The following FBP2 variants were observed in gnomAD, a reference collection of about 807,000 sequenced individuals.
FBP2 encodes fructose-bisphosphatase 2.
Under a neutral mutation model 31.6 loss-of-function variants are expected in FBP2, and 27 were observed. The ratio of observed to expected loss-of-function variants is 0.85; its 90% CI spans 0.63 to 1.18. FBP2 has a LOEUF of 1.18. Ranked by LOEUF, FBP2 falls within the 50% of genes most tolerant of loss-of-function variation. FBP2 has a pLI of 0.00. For missense variants in FBP2, 421 were observed against 436.1 expected (o/e 0.97, Z 0.31); for synonymous variants, 168 against 179.8 (o/e 0.93, Z 0.53).
At chr9:94,583,545 C>A (rs567327873) in intron 3 of FBP2, among the ~76,000 whole-genome samples, 1 of 152,306 alleles carries the variant, frequency 6.6e-6, no homozygotes, top group African/African-American at 2.4e-5. Flanking sequence ...CTTCCTAATA[C>A]ATAGAAGACT....
At chr9:94,584,522 AC>A in intron 3 of FBP2, 54 bp downstream of exon 3, 1 of 1,150,396 alleles carries the variant, frequency 8.7e-7, no homozygotes, top group Non-Finnish European at 1.3e-6. Flanking sequence ...CAGCCCAGGA[AC>A]CTTCCAGAGA....
chr9:94,580,565 C>A (rs905761004), intron 3 of FBP2, among the ~76,000 whole-genome samples: 6 of 152,206 alleles, frequency 3.9e-5, no homozygotes, highest in Admixed American at 3.9e-4. Flanking sequence ...AAATGAGCAA[C>A]TATTGTTTAA....
At chr9:94,590,708 AG>A (rs1366250903) in intron 1 of FBP2, among the ~76,000 whole-genome samples, 1 of 152,224 alleles carries the variant, frequency 6.6e-6, no homozygotes, top group Non-Finnish European at 1.5e-5. Flanking sequence ...AAGCCTCCAC[AG>A]TGTGGAAAGA....
At position 94,561,979 on chromosome 9, in the gene FBP2, C is replaced by T. The variant is rs573218315; in HGVS notation, c.825+1363G>A. Among the ~76,000 whole-genome samples, 4 of 152,170 alleles carry T rather than the reference C, an allele frequency of 2.6e-5. No individual in the cohort carries two copies. The South Asian group carries it at 8.3e-4, about 32-fold the overall frequency. ...GTAATAACTGATCTTTATGTTCTCC[C>T]CAATGTAACTGAGTAAGTGACCAGA... On this transcript the variant is annotated intron_variant, in intron 6 of 6. Transcript: ENST00000375337.
chr9:94,569,712 C>G (rs922718143), intron 4 of FBP2: 1 of 152,242 alleles, frequency 6.6e-6, no homozygotes, highest in Non-Finnish European at 1.5e-5. Context: ...CAAGAAACAA[C>G]AGCTCCCATT....
intron 1 of FBP2, among the ~76,000 whole-genome samples, chr9:94,587,894 G>A (rs1272349414): frequency 6.6e-6 from 1 of 152,056 alleles, no homozygotes; most frequent in Admixed American, 6.5e-5. Context: ...TGTCGCCCAG[G>A]CTGGAGTGCA....
At position 94,587,375 on chromosome 9, in the gene FBP2, A is replaced by G. The variant is rs1827439945; in HGVS notation, c.265T>C (p.Ser89Pro). 14 of 1,613,994 alleles carry G rather than the reference A, an allele frequency of 8.7e-6. No individual in the cohort carries two copies. The East Asian group carries it at 3.1e-4, about 36-fold the overall frequency. The stretch of plus-strand genomic sequence containing the variant: ...GAGACCAGGACGCAGGTACTATAGG[A>G]GGATTGGACCATGTTGATCACCAGG... ...NSLVINMVQSSYSTCVLVSEE... is the reference protein window; with the variant it reads ...NSLVINMVQSPYSTCVLVSEE... Residue 89 changes from serine (S) to proline (P), a missense_variant, in exon 2 of 7, where the codon TCC becomes CCC. By Grantham distance (74) the Ser-to-Pro change is moderately conservative. Transcript: ENST00000375337.
At chr9:94,590,166 G>C (rs1294351786) in intron 1 of FBP2, among the ~76,000 whole-genome samples, 1 of 152,054 alleles carries the variant, frequency 6.6e-6, no homozygotes, top group African/African-American at 2.4e-5. Context: ...CCCGGCAATA[G>C]CTTCACCTGA....
Position 94,563,470 on chromosome 9 carries a change from CAG to C in FBP2, c.706-11_706-10del, listed in dbSNP as rs762779812. 8 of 1,611,710 alleles carry C rather than the reference CAG, an allele frequency of 5.0e-6. No homozygotes were observed. The highest frequency in any genetic ancestry group is 2.7e-5 in the African/African-American group (2 of 74,864). ...TAGGGAGCACTGCCATCCTAGAAGA[CAG>C]AAAGCGAAGAGACAAGATCCAGTGG... On this transcript the variant is annotated splice_polypyrimidine_tract_variant and intron_variant, in intron 5 of 6. Transcript: ENST00000375337.
chr9:94,570,205 C>A (rs961172381), intron 4 of FBP2: 8 of 152,184 alleles, frequency 5.3e-5, no homozygotes, highest in African/African-American at 1.7e-4. Flanking sequence ...GAATTGGGTC[C>A]CTGAGTCAAA....
intron 4 of FBP2, chr9:94,569,651 A>C (rs1469375941): frequency 6.6e-6 from 1 of 152,204 alleles, no homozygotes; most frequent in Non-Finnish European, 1.5e-5. Flanking sequence ...GATTTTTAAT[A>C]TGGGCTCTCA....
chr9:94,574,274 A>T (rs527504254), intron 3 of FBP2, among the ~76,000 whole-genome samples: 114 of 152,300 alleles, frequency 7.5e-4, no homozygotes, highest in Non-Finnish European at 1.4e-3. Flanking sequence ...ATCAATTTAT[A>T]CTTTTACCAC....
intron 5 of FBP2, among the ~76,000 whole-genome samples, chr9:94,564,773 T>C (rs1448125293): frequency 6.6e-6 from 1 of 152,152 alleles, no homozygotes; most frequent in African/African-American, 2.4e-5. Flanking sequence ...AGGAGTTTAC[T>C]TATATAACAA....
chr9:94,592,221 CAG>C (rs1447191599), intron 1 of FBP2, among the ~76,000 whole-genome samples: 1 of 152,170 alleles, frequency 6.6e-6, no homozygotes, highest in Admixed American at 6.5e-5. Flanking sequence ...GAGGTAAAAA[CAG>C]AGCTGAAGCA....
At chr9:94,584,411 T>G (rs1007048415) in intron 3 of FBP2, among the ~76,000 whole-genome samples, 166 bp downstream of exon 3, 3 of 152,192 alleles carry the variant, frequency 2.0e-5, no homozygotes, top group Non-Finnish European at 2.9e-5. Flanking sequence ...ATCCAGTTCT[T>G]CTAATGAGGA....
chr9:94,588,816 C>T (rs970903401), intron 1 of FBP2, among the ~76,000 whole-genome samples: 2 of 152,126 alleles, frequency 1.3e-5, no homozygotes, highest in African/African-American at 2.4e-5. Context: ...TCTCTGCGCC[C>T]GGGTTGGCAT....
intron 6 of FBP2, among the ~76,000 whole-genome samples, chr9:94,561,254 G>C (rs1827094700): frequency 6.6e-6 from 1 of 150,874 alleles, no homozygotes; most frequent in Non-Finnish European, 1.5e-5. Flanking sequence ...AGTTACTTTT[G>C]TTCTGACCTC....
intron 1 of FBP2, among the ~76,000 whole-genome samples, chr9:94,588,080 T>G (rs1827449035): frequency 6.6e-6 from 1 of 151,912 alleles, no homozygotes; most frequent in South Asian, 2.1e-4. Flanking sequence ...CTTGATCTCC[T>G]GACCTGGTGA....
intron 4 of FBP2, 61 bp from the exon 5 acceptor site, chr9:94,567,468 C>CA: frequency 1.9e-6 from 3 of 1,595,208 alleles, no homozygotes; most frequent in Non-Finnish European, 1.7e-6. Flanking sequence ...GCCAACCGCA[C>CA]AATCCCCACA....
Sources: gnomAD v4.1 joint callset for allele counts (sites outside exome capture counted in the v4.1 genomes callset) on GRCh38, gnomAD v4.1.1 for gene constraint, MANE v1.5 for transcripts, NCBI Gene and HGNC (gene_info 2026-07-23, HGNC 2026-07-21) for gene names.